The following SEC24B variants were observed in gnomAD, a reference collection of about 807,000 sequenced individuals.
The protein encoded by SEC24B is SEC24 homolog B, COPII component, also known as protein transport protein Sec24B.
Under a neutral mutation model 142.8 loss-of-function variants are expected in SEC24B, and 45 were observed. The ratio of observed to expected loss-of-function variants is 0.32; its 90% CI spans 0.25 to 0.40. SEC24B has a LOEUF of 0.40. Ranked by LOEUF, SEC24B falls within the 10% of genes least tolerant of loss-of-function variation. The pLI, the probability that SEC24B is intolerant of heterozygous loss-of-function variation, is 1.00. For missense variants in SEC24B, 1,409 were observed against 1,526.8 expected (o/e 0.92, Z 1.29); for synonymous variants, 574 against 568.2 (o/e 1.01, Z -0.15).
chr4:109,445,711 G>A (rs1463392856), intron 1 of SEC24B, among the ~76,000 whole-genome samples: 2 of 151,920 alleles, frequency 1.3e-5, no homozygotes, highest in Non-Finnish European at 2.9e-5. Flanking sequence ...TGGGACTACA[G>A]GCACAAACCA....
intron 1 of SEC24B, among the ~76,000 whole-genome samples, chr4:109,445,483 A>G (rs1578758523): frequency 1.4e-5 from 2 of 146,712 alleles, no homozygotes; most frequent in South Asian, 4.3e-4. Context: ...TCTCGATCTG[A>G]CCTCGTGATC....
chr4:109,460,797 A>C (rs1731177769), intron 1 of SEC24B, among the ~76,000 whole-genome samples: 1 of 151,056 alleles, frequency 6.6e-6, no homozygotes, highest in Admixed American at 6.6e-5. Flanking sequence ...TAATATTAGG[A>C]TTAATGTTTT....
At chr4:109,493,905 A>C (rs1339327561) in intron 5 of SEC24B, among the ~76,000 whole-genome samples, 1 of 152,156 alleles carries the variant, frequency 6.6e-6, no homozygotes, top group Non-Finnish European at 1.5e-5. Context: ...TCTAGACACT[A>C]TCTTTCATAC....
intron 2 of SEC24B, among the ~76,000 whole-genome samples, chr4:109,470,056 A>G (rs1430686612): frequency 6.6e-6 from 1 of 152,252 alleles, no homozygotes; most frequent in African/African-American, 2.4e-5. Context: ...ATATCATCTT[A>G]TACCTACTAA....
At chr4:109,527,169 T>C (rs1242042955) in intron 17 of SEC24B, among the ~76,000 whole-genome samples, 153 bp from the exon 18 acceptor site, 2 of 149,452 alleles carry the variant, frequency 1.3e-5, no homozygotes, top group African/African-American at 4.9e-5. Context: ...CAGTGAGCTG[T>C]GATCACACCA....
Position 109,463,324 on chromosome 4 carries a change from C to T in SEC24B, c.557C>T (p.Ser186Leu), listed in dbSNP as rs781330260. Reference protein sequence around the residue: ...FPSTCGHYAMSTVSNAAYPSV... With the variant: ...FPSTCGHYAMLTVSNAAYPSV... ...TCTACTTGTGGTCATTATGCTATGTCAACTGTTTCTAATGCCGCGTATCCT... is the reference window on the plus strand; with the variant it reads ...TCTACTTGTGGTCATTATGCTATGTTAACTGTTTCTAATGCCGCGTATCCT... The change falls in exon 2 of 24, where the codon TCA becomes TTA. Residue 186 changes from serine (S) to leucine (L), a missense_variant. Ser to Leu is a moderately radical substitution (Grantham distance 145). Coordinates refer to ENST00000265175, the MANE Select transcript of SEC24B (RefSeq NM_006323.5). The T allele has an allele frequency of 3.7e-6, 6 of 1,614,206 alleles. No individual in the cohort carries two copies. The East Asian group carries it at 1.3e-4, about 36-fold the overall frequency.
chr4:109,517,925 T>G (rs1399672641), intron 11 of SEC24B, among the ~76,000 whole-genome samples: 30 of 150,350 alleles, frequency 2.0e-4, no homozygotes, highest in Non-Finnish European at 1.2e-4. Context: ...AGCGAGAAAC[T>G]GAGCATTTTG....
At chr4:109,469,145 A>G (rs1300724732) in intron 2 of SEC24B, among the ~76,000 whole-genome samples, 5 of 152,208 alleles carry the variant, frequency 3.3e-5, no homozygotes, top group African/African-American at 1.2e-4. Flanking sequence ...GAAAATATTT[A>G]TTCTTGAATC....
Position 109,526,444 on chromosome 4 carries a change from C to G in SEC24B, c.2965+45C>G, listed in dbSNP as rs776910876. ...AATATAGTCTGCAGCAGTAATTCCTCCCTCCTTTCACATGGCCTTTAGTGG... is the reference window on the plus strand; with the variant it reads ...AATATAGTCTGCAGCAGTAATTCCTGCCTCCTTTCACATGGCCTTTAGTGG... On this transcript the variant is annotated intron_variant, in intron 17 of 23. Transcript: ENST00000265175. 1.2e-5 allele frequency: 18 copies of G among 1,454,190 alleles called. No homozygotes were observed. In the African/African-American group the frequency reaches 2.3e-4, roughly 18 times the overall value. The allele number at this position is 1,454,190 out of a possible 1,614,324, so 90.1% of individuals were successfully genotyped here. A position where few individuals can be genotyped will look rare whatever the true frequency, so the allele number is the denominator to read the frequency against.
chr4:109,513,835 C>A lies in SEC24B; in HGVS notation c.1992C>A (p.Phe664Leu), dbSNP rs755112457. 2.5e-6 allele frequency: 4 copies of A among 1,606,724 alleles called. No individual in the cohort carries two copies. In the South Asian group the frequency reaches 4.4e-5, roughly 18 times the overall value. Reference sequence around the variant, plus strand: ...AAGTTCAGAATTCAACTGTGGAGTTCATTGCTTCTTCAGATTACATGGTAA... The same window carrying A: ...AAGTTCAGAATTCAACTGTGGAGTTAATTGCTTCTTCAGATTACATGGTAA... ...RPEVQNSTVE[F>L]IASSDYMLRP... is the part of the protein sequence containing the mutation. The change falls in exon 10 of 24, where the codon TTC (phenylalanine) becomes TTA (leucine). Residue 664 changes from phenylalanine to leucine, a missense_variant. Around this residue, in one of 2 missense-constraint regions of SEC24B, gnomAD observed 700 missense variants for 853.3 expected, o/e 0.82. Transcript: ENST00000265175.
intron 8 of SEC24B, among the ~76,000 whole-genome samples, chr4:109,511,408 TAGC>T (rs1435421449): frequency 9.6e-4 from 146 of 152,320 alleles, no homozygotes; most frequent in African/African-American, 3.3e-3. Context: ...ACTAAAATGA[TAGC>T]AGGTTAATTC....
chr4:109,527,214 G>C lies in SEC24B; in HGVS notation c.2966-108G>C, dbSNP rs762243333. 5.9e-5 allele frequency: 43 copies of C among 729,494 alleles called. No individual in the cohort carries two copies. The African/African-American group carries it at 7.4e-4, about 13-fold the overall frequency. 45.2% of individuals were successfully genotyped at this position (729,494 alleles called of 1,614,324 possible). A position where few individuals can be genotyped will look rare whatever the true frequency, so the allele number is the denominator to read the frequency against. On this transcript the variant is annotated intron_variant, in intron 17 of 23. Transcript: ENST00000265175. ...AGCCTAAGAGACAGAGCAAGACTCC[G>C]TCTCAAAAAAAAAAAAAAGAAAGAA...
intron 7 of SEC24B, among the ~76,000 whole-genome samples, chr4:109,509,398 G>C (rs2126043283): frequency 6.6e-6 from 1 of 152,266 alleles, no homozygotes; most frequent in South Asian, 2.1e-4. Context: ...ATTTGGCCAG[G>C]CACAGTGGCT....
At chr4:109,517,349 C>A (rs552339769) in intron 11 of SEC24B, among the ~76,000 whole-genome samples, 5 of 152,070 alleles carry the variant, frequency 3.3e-5, no homozygotes, top group Non-Finnish European at 5.9e-5. Context: ...GAGGTCATTA[C>A]GTTAAGTGAA....
Position 109,525,412 on chromosome 4 carries a change from C to G in SEC24B, c.2699C>G (p.Pro900Arg), listed in dbSNP as rs753141344. 9 of 1,611,764 alleles carry G rather than the reference C, an allele frequency of 5.6e-6. No homozygotes were observed. In the South Asian group the frequency reaches 9.9e-5, roughly 18 times the overall value. The change falls in exon 16 of 24, where the codon CCT becomes CGT. Residue 900 changes from proline (P) to arginine (R), a missense_variant. Pro to Arg is a moderately radical substitution (Grantham distance 103). Transcript: ENST00000265175. ...YYPSFHYTHNPSQAEKLQKDL... is the reference protein window; with the variant it reads ...YYPSFHYTHNRSQAEKLQKDL... ...CCATCATTCCACTATACTCACAATC[C>G]TTCACAAGCAGAAAAGTTACAAAAA... is the stretch of plus-strand genomic sequence containing the variant.
chr4:109,495,767 G>T (rs1735476699), intron 6 of SEC24B, among the ~76,000 whole-genome samples: 1 of 152,106 alleles, frequency 6.6e-6, no homozygotes, highest in Admixed American at 6.5e-5. Context: ...AACATGTCTA[G>T]CCCCTAGTTC....
chr4:109,461,245 A>T (rs1180088426), intron 1 of SEC24B, among the ~76,000 whole-genome samples: 1 of 152,218 alleles, frequency 6.6e-6, no homozygotes, highest in African/African-American at 2.4e-5. Context: ...TATAGTCAGT[A>T]TTGGGACAAT....
chr4:109,487,565 T>C (rs1345984067), intron 4 of SEC24B, among the ~76,000 whole-genome samples: 1 of 152,242 alleles, frequency 6.6e-6, no homozygotes, highest in East Asian at 1.9e-4. Flanking sequence ...TTTCTAAGCA[T>C]GTTCAGAATG....
At chr4:109,435,311 C>A (rs1212890339) in intron 1 of SEC24B, among the ~76,000 whole-genome samples, 1 of 152,186 alleles carries the variant, frequency 6.6e-6, no homozygotes, top group Non-Finnish European at 1.5e-5. Context: ...GGATATAAAC[C>A]TGTTCTGAAC....
Sources: allele counts gnomAD v4.1 joint callset (sites outside exome capture counted in the v4.1 genomes callset), GRCh38; gene constraint gnomAD v4.1.1; regional missense constraint gnomAD v4.1.1; transcripts MANE v1.5; gene names NCBI Gene and HGNC (gene_info 2026-07-23, HGNC 2026-07-21).